JAM3: variants seen among roughly 807,000 people sequenced by gnomAD.
JAM3 encodes the protein junctional adhesion molecule C.
In JAM3, 31 loss-of-function variants were observed where a neutral mutation model predicts 39.4. That is an observed-to-expected ratio of 0.79 (90% CI 0.59 to 1.06). JAM3 has a LOEUF of 1.06. JAM3 is among the 50% of genes least tolerant of loss of function. The pLI is 0.00. For missense variants in JAM3, 455 were observed against 391.4 expected (o/e 1.16, Z -1.37); for synonymous variants, 182 against 148.7 (o/e 1.22, Z -1.63).
chr11:134,123,002 C>T (rs1413754829), intron 1 of JAM3, among the ~76,000 whole-genome samples: 5 of 152,198 alleles, frequency 3.3e-5, no homozygotes, highest in Non-Finnish European at 7.3e-5. Flanking sequence ...AAGAATTCAA[C>T]TCTCAGCTAA....
chr11:134,102,992 A>C (rs1472660848), intron 1 of JAM3, among the ~76,000 whole-genome samples: 3 of 152,136 alleles, frequency 2.0e-5, no homozygotes, highest in Admixed American at 2.0e-4. Context: ...CCAACATTCA[A>C]ATTCAGGAAA....
At chr11:134,124,164 A>C (rs1942592452) in intron 1 of JAM3, 1 of 1,459,282 alleles carries the variant, frequency 6.9e-7, no homozygotes, top group Non-Finnish European at 9.6e-7. Flanking sequence ...TTCTTTTTCA[A>C]CTGGAGCTTT....
intron 1 of JAM3, among the ~76,000 whole-genome samples, chr11:134,071,003 C>G (rs938416493): frequency 1.2e-4 from 19 of 152,112 alleles, no homozygotes; most frequent in Admixed American, 1.3e-4. Context: ...AGTAGGGGCT[C>G]TTTTTCCATT....
At chr11:134,137,624 A>C (rs1218956889) in intron 1 of JAM3, among the ~76,000 whole-genome samples, 1 of 151,726 alleles carries the variant, frequency 6.6e-6, no homozygotes, top group Admixed American at 6.6e-5. Context: ...ACTGAGAGAA[A>C]TGTTTATGGC....
intron 1 of JAM3, among the ~76,000 whole-genome samples, chr11:134,112,838 A>G (rs868342290): frequency 3.9e-5 from 6 of 152,180 alleles, no homozygotes; most frequent in Non-Finnish European, 7.3e-5. Context: ...ATGACCTCCA[A>G]TATGAATGGA....
chr11:134,128,749 CTG>C (rs1463269133), intron 1 of JAM3, among the ~76,000 whole-genome samples: 2 of 152,160 alleles, frequency 1.3e-5, no homozygotes, highest in African/African-American at 4.8e-5. Context: ...CCATGTGGAA[CTG>C]TGAGTCAATT....
chr11:134,150,108 A>G lies in JAM3; in HGVS notation c.*927A>G, dbSNP rs1449809382. On this transcript the variant is annotated 3_prime_UTR_variant, in exon 9 of 9. Coordinates refer to ENST00000299106, the MANE Select transcript of JAM3 (RefSeq NM_032801.5). ...TCAATAATTAAGAGTATTTTACCCA[A>G]GGAATCCTCTCATGGAAGTTTACTG... The G allele has an allele frequency of 6.5e-6, 1 of 154,968 alleles. No homozygotes were observed. Among genetic ancestry groups the G allele is most frequent in the Non-Finnish European group, 1.4e-5 (1 of 70,000 alleles). The allele number at this position is 154,968 out of a possible 1,614,324, so 9.6% of individuals were successfully genotyped here. A position where few individuals can be genotyped will look rare whatever the true frequency, so the allele number is the denominator to read the frequency against.
chr11:134,145,063 G>A lies in JAM3; in HGVS notation c.612+69G>A, dbSNP rs1943046862. 6 of 1,282,796 alleles carry A rather than the reference G, an allele frequency of 4.7e-6. No individual in the cohort carries two copies. In the Admixed American group the frequency reaches 1.0e-4, roughly 22 times the overall value. 79.5% of individuals were successfully genotyped at this position (1,282,796 alleles called of 1,614,324 possible). ...GGGCAAGAGATGCTTATTGTGAAAA[G>A]AAGATTAGGAGAGATACTGAAACTT... On this transcript the variant is annotated intron_variant, in intron 5 of 8. Coordinates refer to ENST00000299106, the MANE Select transcript of JAM3 (RefSeq NM_032801.5).
At chr11:134,125,061 C>T (rs961205614) in intron 1 of JAM3, among the ~76,000 whole-genome samples, 1 of 152,212 alleles carries the variant, frequency 6.6e-6, no homozygotes, top group Non-Finnish European at 1.5e-5. Flanking sequence ...TGTCTTGCTG[C>T]TGCTCCTGCA....
chr11:134,102,825 AGAAAC>A (rs1321597730), intron 1 of JAM3, among the ~76,000 whole-genome samples: 1 of 152,188 alleles, frequency 6.6e-6, no homozygotes, highest in African/African-American at 2.4e-5. Flanking sequence ...AAAAGTAAAA[AGAAAC>A]AAACACAACC....
At chr11:134,139,813 A>G (rs761362726) in intron 1 of JAM3, 38 bp from the exon 2 acceptor site, 4 of 1,544,204 alleles carry the variant, frequency 2.6e-6, no homozygotes, top group Non-Finnish European at 3.6e-6. Flanking sequence ...GCCGTTTGAG[A>G]TACATTGTCT....
intron 1 of JAM3, among the ~76,000 whole-genome samples, chr11:134,077,718 A>G (rs1941595974): frequency 7.2e-6 from 1 of 138,558 alleles, no homozygotes; most frequent in Non-Finnish European, 1.5e-5. Context: ...TGCAGTGGAA[A>G]TCTCGGCTCG....
At chr11:134,112,867 T>G (rs1942344328) in intron 1 of JAM3, among the ~76,000 whole-genome samples, 1 of 152,108 alleles carries the variant, frequency 6.6e-6, no homozygotes, top group Non-Finnish European at 1.5e-5. Flanking sequence ...GAGCATGAAA[T>G]AGAGCATGAA....
At chr11:134,108,185 A>G (rs995968482) in intron 1 of JAM3, among the ~76,000 whole-genome samples, 1 of 152,120 alleles carries the variant, frequency 6.6e-6, no homozygotes, top group Admixed American at 6.5e-5. Context: ...ACATTTCACA[A>G]CTTGGATCAA....
chr11:134,132,597 A>G (rs1402473288), intron 1 of JAM3, among the ~76,000 whole-genome samples: 6 of 152,226 alleles, frequency 3.9e-5, no homozygotes, highest in Non-Finnish European at 5.9e-5. Context: ...TGTCCTGATT[A>G]TATCCCAGTA....
chr11:134,112,520 C>G (rs576577807), intron 1 of JAM3, among the ~76,000 whole-genome samples: 1 of 152,164 alleles, frequency 6.6e-6, no homozygotes, highest in Non-Finnish European at 1.5e-5. Context: ...CACAGATATA[C>G]TTAATTATGT....
chr11:134,124,442 T>A (rs1942603153), intron 1 of JAM3: 1 of 528,980 alleles, frequency 1.9e-6, no homozygotes. Flanking sequence ...AAAATGCCTA[T>A]TATCAATCAG....
intron 1 of JAM3, among the ~76,000 whole-genome samples, chr11:134,078,305 A>G (rs1240739836): frequency 6.6e-6 from 1 of 151,744 alleles, no homozygotes; most frequent in Non-Finnish European, 1.5e-5. Flanking sequence ...TTTTTAGTAG[A>G]GACGGGGTAT....
intron 1 of JAM3, among the ~76,000 whole-genome samples, chr11:134,080,363 A>G (rs1941644916): frequency 1.3e-5 from 2 of 152,210 alleles, no homozygotes; most frequent in Admixed American, 6.5e-5. Context: ...CTCCTCCAAA[A>G]AGTGCTTTTA....
Sources: allele counts gnomAD v4.1 joint callset (sites outside exome capture counted in the v4.1 genomes callset), GRCh38; gene constraint gnomAD v4.1.1; transcripts MANE v1.5; gene names NCBI Gene and HGNC (gene_info 2026-07-23, HGNC 2026-07-21).